Variants in CLEC12B observed in about 807,000 individuals in gnomAD.
CLEC12B encodes macrophage antigen h.
In CLEC12B, 25 loss-of-function variants were observed where a neutral mutation model predicts 36.1. That is an observed-to-expected ratio of 0.69 (90% CI 0.50 to 0.97). CLEC12B has a LOEUF of 0.97. CLEC12B is among the 50% of genes least tolerant of loss of function. The pLI, the probability that CLEC12B is intolerant of heterozygous loss-of-function variation, is 0.00. For synonymous variants in CLEC12B, 110 were observed against 108.5 expected, an observed-to-expected ratio of 1.01 and a Z score of -0.09; for missense variants, 325 against 318.4, an observed-to-expected ratio of 1.02 and a Z score of -0.16.
At position 10,010,711 on chromosome 12, in the gene CLEC12B, A is replaced by G. The variant is rs781579295; in HGVS notation, c.-49A>G. On this transcript the variant is annotated 5_prime_UTR_variant, in exon 1 of 6. Coordinates refer to ENST00000338896, the MANE Select transcript of CLEC12B (RefSeq NM_001129998.3). ...AAACACATGCTGTTCCCAGGCCTCA[A>G]GATATTGAAACATTAATTAGATAAT... 1.4e-5 allele frequency: 17 copies of G among 1,255,454 alleles called. No individual in the cohort carries two copies. The South Asian group carries it at 2.0e-4, about 14-fold the overall frequency. The allele number at this position is 1,255,454 out of a possible 1,614,324, so 77.8% of individuals were successfully genotyped here.
intron 4 of CLEC12B, 23 bp from the exon 5 acceptor site, chr12:10,015,589 T>A: frequency 6.2e-7 from 1 of 1,613,020 alleles, no homozygotes; most frequent in South Asian, 1.1e-5. Context: ...CACGTAAAAC[T>A]TTTTCTCTGT....
chr12:10,018,196 A>C (rs982407976), intron 5 of CLEC12B, 135 bp from the exon 6 acceptor site: 1 of 683,658 alleles, frequency 1.5e-6, no homozygotes, highest in Admixed American at 4.0e-5. Flanking sequence ...GCAGCTTCAG[A>C]TTTTGAAGCT....
rs1407921559 is a variant in CLEC12B at position 10,018,534 on chromosome 12, T to C, written c.*53T>C. 4 of 1,468,016 alleles carry C rather than the reference T, an allele frequency of 2.7e-6. No homozygotes were observed. Among genetic ancestry groups the C allele is most frequent in the African/African-American group, 1.4e-5 (1 of 69,928 alleles). 90.9% of individuals were successfully genotyped at this position (1,468,016 alleles called of 1,614,324 possible). Reference sequence around the variant, plus strand: ...TAAGAGACTTGTGAGTAAGCTCATATGAGGAAAGAGGAAACTACGGTACCA... The same window carrying C: ...TAAGAGACTTGTGAGTAAGCTCATACGAGGAAAGAGGAAACTACGGTACCA... On this transcript the variant is annotated 3_prime_UTR_variant, in exon 6 of 6. Transcript: ENST00000338896.
At chr12:10,016,149 C>T (rs547241038) in intron 5 of CLEC12B, 59 of 191,102 alleles carry the variant, frequency 3.1e-4, no homozygotes, top group Non-Finnish European at 5.3e-4. Context: ...TCTCCAGCAC[C>T]TACAATCCAA....
intron 5 of CLEC12B, 122 bp downstream of exon 5, chr12:10,015,849 G>C: frequency 6.6e-7 from 1 of 1,506,472 alleles, no homozygotes; most frequent in Non-Finnish European, 8.8e-7. Context: ...TGAGAAAAGA[G>C]CTCCAGTAAC....
intron 2 of CLEC12B, among the ~76,000 whole-genome samples, chr12:10,013,888 T>A (rs1402777347): frequency 2.6e-5 from 4 of 152,210 alleles, no homozygotes. Context: ...CAATAATGTA[T>A]ATTTAAAAAT....
At chr12:10,007,616 A>G (rs1352318606), upstream of CLEC12B, among the ~76,000 whole-genome samples, 2 of 152,244 alleles carry the variant, frequency 1.3e-5, no homozygotes, top group East Asian at 3.8e-4. Flanking sequence ...CTGAGAAAGA[A>G]AAAGAGATTG....
At chr12:10,012,165 T>C (rs1865345115) in intron 1 of CLEC12B, among the ~76,000 whole-genome samples, 1 of 152,254 alleles carries the variant, frequency 6.6e-6, no homozygotes, top group Non-Finnish European at 1.5e-5. Flanking sequence ...GAATAATAGA[T>C]AAGTTATTGT....
Position 10,018,728 on chromosome 12 carries a change from G to A in CLEC12B, c.*247G>A. The A allele has an allele frequency of 2.4e-6, 1 of 418,056 alleles. No individual in the cohort carries two copies. 25.9% of individuals were successfully genotyped at this position (418,056 alleles called of 1,614,324 possible). A position where few individuals can be genotyped will look rare whatever the true frequency, so the allele number is the denominator to read the frequency against. The stretch of plus-strand genomic sequence containing the variant: ...GGGAATAGCCATACTATGGCCCTAT[G>A]ATTGTCTCAGAATCATTTCACTGAA... On this transcript the variant is annotated 3_prime_UTR_variant, in exon 6 of 6. Coordinates refer to ENST00000338896, the MANE Select transcript of CLEC12B (RefSeq NM_001129998.3).
chr12:10,018,155 C>T (rs1013037107), intron 5 of CLEC12B, among the ~76,000 whole-genome samples, 176 bp from the exon 6 acceptor site: 2 of 152,096 alleles, frequency 1.3e-5, no homozygotes, highest in African/African-American at 4.8e-5. Flanking sequence ...CCAGATGTGC[C>T]AGCTCTGGGC....
chr12:10,011,451 A>G (rs1432002123), intron 1 of CLEC12B, among the ~76,000 whole-genome samples: 1 of 152,234 alleles, frequency 6.6e-6, no homozygotes, highest in Non-Finnish European at 1.5e-5. Flanking sequence ...AAAATCCACA[A>G]TAATATTCGA....
At chr12:10,015,853 CA>C in intron 5 of CLEC12B, 126 bp downstream of exon 5, 7 of 1,502,964 alleles carry the variant, frequency 4.7e-6, no homozygotes, top group Non-Finnish European at 6.2e-6. Context: ...AAAAGAGCTC[CA>C]GTAACAAATA....
Position 10,018,459 on chromosome 12 carries a change from T to G in CLEC12B, c.809T>G (p.Val270Gly). 6.4e-7 allele frequency: 1 copy of G among 1,550,868 alleles called. No homozygotes were observed. The highest frequency in any genetic ancestry group is 8.7e-7 in the Non-Finnish European group (1 of 1,146,638). The change falls in exon 6 of 6, where the codon GTG becomes GGG. Residue 270 changes from valine to glycine, a missense_variant. Physicochemically the swap from Val to Gly is moderately radical, Grantham distance 109. Transcript: ENST00000338896. ...ATTTGCGAGAAGACAGCTGCCCCAG[T>G]GAAGACTGAGGATTTGGATTAGTAT... The part of the protein sequence containing the change: ...FWICEKTAAP[V>G]KTEDLD
chr12:10,018,190 C>G, intron 5 of CLEC12B, 141 bp from the exon 6 acceptor site: 1 of 668,442 alleles, frequency 1.5e-6, no homozygotes, highest in Non-Finnish European at 2.2e-6. Flanking sequence ...CTTTAGGCAG[C>G]TTCAGATTTT....
chr12:10,007,520 C>A (rs1346220953), upstream of CLEC12B, among the ~76,000 whole-genome samples: 3 of 151,846 alleles, frequency 2.0e-5, no homozygotes, highest in Non-Finnish European at 4.4e-5. Flanking sequence ...TTCTGAATTT[C>A]TTTTTTTTCT....
At chr12:10,015,825 G>C (rs1865473091) in intron 5 of CLEC12B, 98 bp downstream of exon 5, 1 of 1,576,492 alleles carries the variant, frequency 6.3e-7, no homozygotes, top group Non-Finnish European at 8.6e-7. Context: ...CATAAAAAGA[G>C]GAGTACAACA....
At position 10,010,820 on chromosome 12, in the gene CLEC12B, A is replaced by T. The variant is rs1865310769; in HGVS notation, c.61A>T (p.Asn21Tyr). The T allele has an allele frequency of 3.7e-6, 6 of 1,611,958 alleles. No homozygotes were observed. The highest frequency in any genetic ancestry group is 5.1e-6 in the Non-Finnish European group (6 of 1,178,286). ...TFQDSAGARNNRDGNNLRKRG... is the reference protein window; with the variant it reads ...TFQDSAGARNYRDGNNLRKRG... ...TCAGGATTCTGCTGGAGCAAGGAAT[A>T]ACCGAGATGGAAATAACCTAAGAAA... Residue 21 changes from asparagine (N) to tyrosine (Y), a missense_variant, in exon 1 of 6, where the codon AAC (asparagine) becomes TAC (tyrosine). Asn to Tyr is a moderately radical substitution (Grantham distance 143). Coordinates refer to ENST00000338896, the MANE Select transcript of CLEC12B (RefSeq NM_001129998.3).
Position 10,018,322 on chromosome 12 carries a change from A to G in CLEC12B, c.681-9A>G. 1 of 1,396,012 alleles carries G rather than the reference A, an allele frequency of 7.2e-7. No individual in the cohort carries two copies. The highest frequency in any genetic ancestry group is 1.4e-5 in the South Asian group (1 of 71,594). The allele number at this position is 1,396,012 out of a possible 1,614,324, so 86.5% of individuals were successfully genotyped here. A position where few individuals can be genotyped will look rare whatever the true frequency, so the allele number is the denominator to read the frequency against. ...CAGAATTTATAATTAATTTTAAATTAATTTTCAGATTTAGTACTAAAGAAC... is the reference window on the plus strand; with the variant it reads ...CAGAATTTATAATTAATTTTAAATTGATTTTCAGATTTAGTACTAAAGAAC... On this transcript the variant is annotated splice_polypyrimidine_tract_variant and intron_variant, in intron 5 of 5. Transcript: ENST00000338896.
In CLEC12B at chr12:10,018,625, A is replaced by T. The variant is rs924808796; in HGVS notation, c.*144A>T. On this transcript the variant is annotated 3_prime_UTR_variant, in exon 6 of 6. Coordinates refer to ENST00000338896, the MANE Select transcript of CLEC12B (RefSeq NM_001129998.3). ...TCAGACAAATGAACTTGTTTAACAG[A>T]ACATTCTCCAGTTCCTTGTCTGACG... The T allele has an allele frequency of 8.9e-6, 6 of 676,158 alleles. No individual in the cohort carries two copies. The African/African-American group carries it at 1.1e-4, about 13-fold the overall frequency. The allele number at this position is 676,158 out of a possible 1,614,324, so 41.9% of individuals were successfully genotyped here.
Sources: gnomAD v4.1 joint callset for allele counts (sites outside exome capture counted in the v4.1 genomes callset) on GRCh38, gnomAD v4.1.1 for gene constraint, MANE v1.5 for transcripts, NCBI Gene and HGNC (gene_info 2026-07-23, HGNC 2026-07-21) for gene names.